The following WIPF2 variants were observed in gnomAD, a reference collection of about 807,000 sequenced individuals.
WIPF2 encodes WAS/WASL interacting protein family member 2, also known as WAS/WASL-interacting protein family member 2.
A neutral mutation model predicts 38.8 loss-of-function variants in WIPF2; 23 were observed. That is an observed-to-expected ratio of 0.59 (90% CI 0.43 to 0.84). WIPF2 has a LOEUF of 0.84. Among genes scored for constraint, WIPF2 ranks in the 40% least tolerant of loss-of-function variants. The pLI is 0.00. For synonymous variants in WIPF2, 210 were observed against 223.2 expected (o/e 0.94, Z 0.53); for missense variants, 574 against 580.5 (o/e 0.99, Z 0.11).
chr17:40,251,174 A>G (rs563232778), intron 1 of WIPF2, among the ~76,000 whole-genome samples: 71 of 152,210 alleles, frequency 4.7e-4, no homozygotes, highest in Non-Finnish European at 9.0e-4. Flanking sequence ...TCGGCCTCCC[A>G]AAGTGCTGGG....
chr17:40,276,918 G>C (rs1309740038), intron 6 of WIPF2, among the ~76,000 whole-genome samples, 165 bp from the exon 7 acceptor site: 1 of 152,204 alleles, frequency 6.6e-6, no homozygotes, highest in Non-Finnish European at 1.5e-5. Context: ...GGCACGTGGG[G>C]TGATGCTGCT....
At chr17:40,259,711 C>T (rs1376111242) in intron 2 of WIPF2, among the ~76,000 whole-genome samples, 1 of 152,118 alleles carries the variant, frequency 6.6e-6, no homozygotes, top group Non-Finnish European at 1.5e-5. Flanking sequence ...AGTTTGGACT[C>T]TTGTTTTATT....
chr17:40,239,723 C>T (rs2031119827), intron 1 of WIPF2, among the ~76,000 whole-genome samples: 1 of 122,266 alleles, frequency 8.2e-6, no homozygotes, highest in African/African-American at 3.1e-5. Context: ...GAGACGGAGT[C>T]TCACTCTGTC....
chr17:40,278,807 C>G lies in WIPF2; in HGVS notation c.*582C>G, dbSNP rs1267479351. 6.6e-6 allele frequency: 1 copy of G among 151,800 alleles called. No individual in the cohort carries two copies. Among genetic ancestry groups the G allele is most frequent in the African/African-American group, 2.4e-5 (1 of 41,244 alleles). The allele number at this position is 151,800 out of a possible 1,614,324, so 9.4% of individuals were successfully genotyped here. Reference sequence around the variant, plus strand: ...ATTTTGTTTTTGTTCTCACCTGCTGCCCCCCCACCCCACCACCCCAGGGAT... The same window carrying G: ...ATTTTGTTTTTGTTCTCACCTGCTGGCCCCCCACCCCACCACCCCAGGGAT... On this transcript the variant is annotated 3_prime_UTR_variant, in exon 8 of 8. Transcript: ENST00000323571.
At chr17:40,238,036 A>G (rs1031514956) in intron 1 of WIPF2, among the ~76,000 whole-genome samples, 15 of 149,940 alleles carry the variant, frequency 1.0e-4, no homozygotes, top group Non-Finnish European at 1.8e-4. Flanking sequence ...ACTGCACTCC[A>G]GCCTGGCAAC....
At chr17:40,260,368 G>A (rs1347785147) in intron 2 of WIPF2, among the ~76,000 whole-genome samples, 167 bp from the exon 3 acceptor site, 1 of 151,614 alleles carries the variant, frequency 6.6e-6, no homozygotes, top group African/African-American at 2.4e-5. Context: ...TGTATTTTTA[G>A]TAGAGATGGG....
At chr17:40,233,740 C>T (rs1027971633) in intron 1 of WIPF2, among the ~76,000 whole-genome samples, 1 of 151,908 alleles carries the variant, frequency 6.6e-6, no homozygotes, top group Non-Finnish European at 1.5e-5. Flanking sequence ...ACCAGCCTGG[C>T]CAACATGGTG....
chr17:40,225,532 A>G (rs998803456), intron 1 of WIPF2, among the ~76,000 whole-genome samples: 2 of 152,204 alleles, frequency 1.3e-5, no homozygotes, highest in African/African-American at 4.8e-5. Context: ...AAGCTTGGCA[A>G]AGTTAGAGCA....
chr17:40,252,122 T>C (rs1324723017), intron 1 of WIPF2, among the ~76,000 whole-genome samples: 1 of 152,172 alleles, frequency 6.6e-6, no homozygotes, highest in African/African-American at 2.4e-5. Flanking sequence ...GAGTCTATTT[T>C]AGGAAGGCAT....
At chr17:40,235,142 G>A (rs992306054) in intron 1 of WIPF2, among the ~76,000 whole-genome samples, 39 of 151,976 alleles carry the variant, frequency 2.6e-4, no homozygotes, top group Admixed American at 9.2e-4. Flanking sequence ...ATGGCCGCCC[G>A]CCTCGGCCTC....
intron 1 of WIPF2, among the ~76,000 whole-genome samples, chr17:40,249,379 A>G (rs554175430): frequency 1.3e-5 from 2 of 151,922 alleles, no homozygotes; most frequent in Non-Finnish European, 2.9e-5. Context: ...ATGTAGGAAT[A>G]TTTGGAGTGA....
At chr17:40,266,398 G>A (rs1483087990) in intron 5 of WIPF2, among the ~76,000 whole-genome samples, 2 of 152,130 alleles carry the variant, frequency 1.3e-5, no homozygotes, top group Non-Finnish European at 2.9e-5. Flanking sequence ...AGAGTAAGTG[G>A]TCAGCTGTGC....
chr17:40,243,276 A>T (rs1020909842), intron 1 of WIPF2, among the ~76,000 whole-genome samples: 5 of 152,176 alleles, frequency 3.3e-5, no homozygotes, highest in South Asian at 2.1e-4. Context: ...GTGTCACTGC[A>T]GTTGGTATAC....
chr17:40,242,723 A>G (rs912165696), intron 1 of WIPF2, among the ~76,000 whole-genome samples: 4 of 152,186 alleles, frequency 2.6e-5, no homozygotes, highest in Admixed American at 6.6e-5. Context: ...TTGATGAACA[A>G]AGTCACAAAA....
At chr17:40,253,211 T>C (rs892047985) in intron 1 of WIPF2, among the ~76,000 whole-genome samples, 5 of 152,052 alleles carry the variant, frequency 3.3e-5, no homozygotes, top group South Asian at 2.1e-4. Flanking sequence ...TACAGGTGTC[T>C]GCCACCACAC....
At chr17:40,226,795 G>A (rs766559238) in intron 1 of WIPF2, among the ~76,000 whole-genome samples, 7 of 151,998 alleles carry the variant, frequency 4.6e-5, no homozygotes, top group African/African-American at 1.7e-4. Context: ...AGGCTGGAGT[G>A]CAATGGCACA....
chr17:40,244,318 C>G (rs1432254174), intron 1 of WIPF2, among the ~76,000 whole-genome samples: 1 of 152,072 alleles, frequency 6.6e-6, no homozygotes, highest in Non-Finnish European at 1.5e-5. Context: ...TGTGACTACT[C>G]TTAGGCAGCT....
At chr17:40,270,507 C>G (rs1475626842) in intron 5 of WIPF2, among the ~76,000 whole-genome samples, 1 of 152,120 alleles carries the variant, frequency 6.6e-6, no homozygotes, top group Non-Finnish European at 1.5e-5. Context: ...TTTTGCCATT[C>G]CAGGTCGTCT....
intron 1 of WIPF2, among the ~76,000 whole-genome samples, chr17:40,235,659 C>T (rs571270362): frequency 5.3e-5 from 8 of 151,082 alleles, no homozygotes; most frequent in South Asian, 2.1e-4. Context: ...CCACAACCTC[C>T]GCCTCCCGGG....
Sources: gnomAD v4.1 joint callset for allele counts (sites outside exome capture counted in the v4.1 genomes callset) on GRCh38, gnomAD v4.1.1 for gene constraint, MANE v1.5 for transcripts, NCBI Gene and HGNC (gene_info 2026-07-23, HGNC 2026-07-21) for gene names.